Variants in DAB2IP observed in about 807,000 individuals in gnomAD.
DAB2IP encodes the protein disabled homolog 2-interacting protein.
In DAB2IP, 28 loss-of-function variants were observed where a neutral mutation model predicts 107.2. The observed-to-expected ratio is 0.26, with a 90% CI of 0.19 to 0.36. DAB2IP has a LOEUF of 0.36. DAB2IP is among the 10% of genes least tolerant of loss of function. DAB2IP has a pLI of 1.00. For missense variants in DAB2IP, 1,400 were observed against 1,644.7 expected (o/e 0.85, Z 2.57); for synonymous variants, 755 against 706.4 (o/e 1.07, Z -1.09).
At chr9:121,589,096 A>G (rs1830370343) in intron 1 of DAB2IP, among the ~76,000 whole-genome samples, 2 of 152,016 alleles carry the variant, frequency 1.3e-5, no homozygotes, top group Admixed American at 6.6e-5. Flanking sequence ...GTAAAACTCA[A>G]GAGTTGGCTC....
chr9:121,746,632 G>A (rs1197276959), intron 3 of DAB2IP, among the ~76,000 whole-genome samples: 1 of 152,188 alleles, frequency 6.6e-6, no homozygotes, highest in Non-Finnish European at 1.5e-5. Flanking sequence ...TGAGATGGAA[G>A]AAGATGCTGC....
In DAB2IP at chr9:121,599,100, A is replaced by T. The variant is rs897240744; in HGVS notation, c.40+31872A>T. On this transcript the variant is annotated intron_variant, in intron 1 of 16. Coordinates refer to the DAB2IP transcript ENST00000259371. This position sits in a 1 kb window ranked among gnomAD's most constrained non-coding sequence, Gnocchi z 6.9. ...GGTTGGAGATCCACGCAGGGCGCAC[A>T]TAAAAGTTTAAGGGGTCAGCGGATG... Among the ~76,000 whole-genome samples the T allele has an allele frequency of 6.6e-6, 1 of 152,182 alleles. No homozygotes were observed. The highest frequency in any genetic ancestry group is 1.9e-4 in the East Asian group (1 of 5,168).
chr9:121,780,745 G>A (rs1391309599), intron 14 of DAB2IP, among the ~76,000 whole-genome samples: 2 of 152,182 alleles, frequency 1.3e-5, no homozygotes, highest in African/African-American at 2.4e-5. Context: ...GTGGGGCCAG[G>A]AGGGCTCCCA....
chr9:121,682,149 C>G (rs1828632816), intron 2 of DAB2IP, among the ~76,000 whole-genome samples: 1 of 152,222 alleles, frequency 6.6e-6, no homozygotes, highest in Admixed American at 6.5e-5. Flanking sequence ...CCTCCTCCCT[C>G]CCCTAGCCCG....
At chr9:121,637,702 CT>C (rs1447721882) in intron 1 of DAB2IP, among the ~76,000 whole-genome samples, 1 of 152,176 alleles carries the variant, frequency 6.6e-6, no homozygotes, top group East Asian at 1.9e-4. Flanking sequence ...TGCAGCCAAG[CT>C]TTAGATTTCT....
At chr9:121,594,561 A>C (rs1008357306) in intron 1 of DAB2IP, among the ~76,000 whole-genome samples, 1 of 152,148 alleles carries the variant, frequency 6.6e-6, no homozygotes, top group Non-Finnish European at 1.5e-5. Context: ...CATCAAGAAC[A>C]CTCAATGAAG....
intron 1 of DAB2IP, among the ~76,000 whole-genome samples, chr9:121,614,986 G>A (rs1030447818): frequency 6.6e-6 from 1 of 151,004 alleles, no homozygotes; most frequent in African/African-American, 2.4e-5. Context: ...CACGAGCCTC[G>A]GCCTCCCAAA....
intron 1 of DAB2IP, among the ~76,000 whole-genome samples, chr9:121,678,392 A>T (rs1828391109): frequency 6.6e-6 from 1 of 152,230 alleles, no homozygotes; most frequent in Admixed American, 6.5e-5. Context: ...TCTTCTGCTG[A>T]TGGACCCTTG....
At chr9:121,765,546 C>T (rs942697878) in intron 8 of DAB2IP, among the ~76,000 whole-genome samples, 3 of 152,178 alleles carry the variant, frequency 2.0e-5, no homozygotes, top group African/African-American at 7.2e-5. Flanking sequence ...TTTAGCCTTA[C>T]GATGGCTCTG....
At chr9:121,766,678 C>T (rs756578907) in exon 9 of DAB2IP, 4 of 1,614,014 alleles carry the variant, frequency 2.5e-6, no homozygotes, top group African/African-American at 2.7e-5. Flanking sequence ...CCGCACTGCC[C>T]GCACCCTCAC....
intron 2 of DAB2IP, among the ~76,000 whole-genome samples, chr9:121,688,043 G>T (rs1828974559): frequency 1.3e-5 from 2 of 152,020 alleles, no homozygotes; most frequent in East Asian, 1.9e-4. Flanking sequence ...GGCCCTAGGG[G>T]TCAGACACCC....
chr9:121,708,058 C>T (rs754588544), intron 3 of DAB2IP, among the ~76,000 whole-genome samples: 1 of 152,208 alleles, frequency 6.6e-6, no homozygotes, highest in Non-Finnish European at 1.5e-5. Context: ...CACCCCAGAC[C>T]TTCTGAATTA....
intron 1 of DAB2IP, among the ~76,000 whole-genome samples, chr9:121,624,638 T>C (rs1197364705): frequency 6.6e-6 from 1 of 152,228 alleles, no homozygotes; most frequent in Non-Finnish European, 1.5e-5. Flanking sequence ...AGTAACATGC[T>C]GTACAGGCTT....
chr9:121,690,303 G>C (rs1346621892), intron 2 of DAB2IP, among the ~76,000 whole-genome samples: 1 of 148,832 alleles, frequency 6.7e-6, no homozygotes, highest in African/African-American at 2.6e-5. Context: ...AGCCCCGGGA[G>C]GACTGGCTGG....
At chr9:121,627,760 T>A (rs777329273) in intron 1 of DAB2IP, among the ~76,000 whole-genome samples, 1 of 152,240 alleles carries the variant, frequency 6.6e-6, no homozygotes, top group Admixed American at 6.5e-5. Context: ...CATGTATATA[T>A]CCATAGAATA....
At chr9:121,624,579 A>G (rs995243855) in intron 1 of DAB2IP, among the ~76,000 whole-genome samples, 11 of 152,234 alleles carry the variant, frequency 7.2e-5, no homozygotes, top group Non-Finnish European at 1.5e-4. Flanking sequence ...CTGTGTTTAC[A>G]TACATGAATA....
chr9:121,626,746 C>A (rs541753541), intron 1 of DAB2IP, among the ~76,000 whole-genome samples: 1 of 152,058 alleles, frequency 6.6e-6, no homozygotes, highest in Non-Finnish European at 1.5e-5. Flanking sequence ...TTGACAGCAC[C>A]CCCTGGTTTG....
intron 3 of DAB2IP, among the ~76,000 whole-genome samples, chr9:121,747,409 A>C (rs1289317236): frequency 6.9e-6 from 1 of 145,922 alleles, no homozygotes. Context: ...GTGCAGTGGC[A>C]CTATCTTGGC....
chr9:121,641,995 T>TCTCTC (rs1832337279), intron 1 of DAB2IP, among the ~76,000 whole-genome samples: 13 of 35,010 alleles, frequency 3.7e-4, no homozygotes, highest in Non-Finnish European at 5.5e-4. Context: ...TTTCTTTCCT[T>TCTCTC]TCTCTCTCTC....
Sources: allele counts gnomAD v4.1 joint callset (sites outside exome capture counted in the v4.1 genomes callset), GRCh38; gene constraint gnomAD v4.1.1; non-coding constraint Gnocchi (gnomAD v3.1); transcripts MANE v1.5; gene names NCBI Gene and HGNC (gene_info 2026-07-23, HGNC 2026-07-21).